TCERG1L: variants seen among roughly 807,000 people sequenced by gnomAD.
TCERG1L encodes transcription elongation regulator 1 like.
TCERG1L carries 37 observed loss-of-function variants against 56.3 expected under a neutral mutation model. The ratio of observed to expected loss-of-function variants is 0.66; its 90% CI spans 0.51 to 0.87. The LOEUF (loss-of-function observed/expected upper bound fraction) is 0.87, where lower values mean the gene tolerates loss of function less well. TCERG1L is among the 40% of genes least tolerant of loss of function. TCERG1L has a pLI of 0.00. For synonymous variants in TCERG1L, 324 were observed against 326.3 expected, an observed-to-expected ratio of 0.99 and a Z score of 0.08; for missense variants, 799 against 774.2, an observed-to-expected ratio of 1.03 and a Z score of -0.38.
intron 6 of TCERG1L, among the ~76,000 whole-genome samples, chr10:131,150,640 G>C (rs922765583): frequency 9.2e-5 from 14 of 152,176 alleles, no homozygotes; most frequent in African/African-American, 3.4e-4. Context: ...CCATTTCCTG[G>C]CAGGGACCAG....
intron 6 of TCERG1L, among the ~76,000 whole-genome samples, chr10:131,151,029 G>A (rs1029770451): frequency 7.2e-5 from 11 of 152,134 alleles, no homozygotes; most frequent in Non-Finnish European, 1.0e-4. Flanking sequence ...AACCACTTCC[G>A]TGATTCAATT....
In TCERG1L at chr10:131,270,623, A is replaced by G. The variant is rs779594106; in HGVS notation, c.671-10179T>C. 9.6e-4 allele frequency among the ~76,000 whole-genome samples: 146 copies of G among 152,356 alleles called. 1 individual carries two copies. Among genetic ancestry groups the G allele is most frequent in the Non-Finnish European group, 2.2e-4 (15 of 68,032 alleles). On this transcript the variant is annotated intron_variant, in intron 3 of 11. Coordinates refer to ENST00000368642, the MANE Select transcript of TCERG1L (RefSeq NM_174937.4). ...ACATGTGCTTGATGCCCAGCCCCGC[A>G]TGGCTGCTGCCGTTGCTGGCGTTTG... is the stretch of plus-strand genomic sequence containing the variant.
In TCERG1L at chr10:131,311,594, C is replaced by T; in HGVS notation, c.42G>A (p.Leu14=). Residue 14 remains leucine (L), a synonymous_variant, in exon 1 of 12, where the codon CTG becomes CTA. Transcript: ENST00000368642. The surrounding 1 kb of genome is among the most constrained non-coding windows in gnomAD (Gnocchi z 4.0). ...GCCGCCGCCGGGGCTGCTGCTGCTG[C>T]AGCTGCCGCCGCCGCCGCTGGAACC... ...GARFQRRRRQ[L]QQQQPRRRQP... 1 of 1,150,340 alleles carries T rather than the reference C, an allele frequency of 8.7e-7. No individual in the cohort carries two copies. The highest frequency in any genetic ancestry group is 1.1e-6 in the Non-Finnish European group (1 of 936,492). 71.3% of individuals were successfully genotyped at this position (1,150,340 alleles called of 1,614,324 possible). A position where few individuals can be genotyped will look rare whatever the true frequency, so the allele number is the denominator to read the frequency against.
chr10:131,093,109 G>GC lies in TCERG1L; in HGVS notation c.*52dup. The GC allele has an allele frequency of 1.9e-6, 3 of 1,577,104 alleles. No individual in the cohort carries two copies. The highest frequency in any genetic ancestry group is 1.4e-5 in the African/African-American group (1 of 73,506). ...TGTCCGTCTCCACCGTGACCCCCTC[G>GC]CCCCCGGCACGCCCAGGGTCAACCC... On this transcript the variant is annotated 3_prime_UTR_variant, in exon 12 of 12. Transcript: ENST00000368642.
intron 4 of TCERG1L, among the ~76,000 whole-genome samples, chr10:131,175,595 T>G (rs994823409): frequency 6.6e-6 from 1 of 152,246 alleles, no homozygotes; most frequent in Non-Finnish European, 1.5e-5. Context: ...ATGAATGAGC[T>G]GATGGTGAGT....
At chr10:131,248,010 T>C (rs915398758) in intron 4 of TCERG1L, among the ~76,000 whole-genome samples, 7 of 136,364 alleles carry the variant, frequency 5.1e-5, no homozygotes, top group Admixed American at 1.5e-4. Context: ...CACACACACA[T>C]GCATACACTC....
intron 3 of TCERG1L, among the ~76,000 whole-genome samples, chr10:131,264,277 G>A (rs994897712): frequency 6.6e-6 from 1 of 152,210 alleles, no homozygotes; most frequent in Admixed American, 6.5e-5. Context: ...CCACTTAGCA[G>A]CCCTGCCAGA....
intron 3 of TCERG1L, among the ~76,000 whole-genome samples, chr10:131,289,429 C>T (rs1356790536): frequency 1.3e-5 from 2 of 152,250 alleles, no homozygotes; most frequent in Non-Finnish European, 2.9e-5. Context: ...GAAAGGCACA[C>T]CTATGATATT....
intron 4 of TCERG1L, among the ~76,000 whole-genome samples, chr10:131,176,352 A>G (rs1846149383): frequency 6.6e-6 from 1 of 151,164 alleles, no homozygotes; most frequent in South Asian, 2.1e-4. Flanking sequence ...AGATAGGCAC[A>G]TACAAAGAGG....
chr10:131,237,794 G>A (rs1216688221), intron 4 of TCERG1L, among the ~76,000 whole-genome samples: 1 of 152,138 alleles, frequency 6.6e-6, no homozygotes, highest in Admixed American at 6.5e-5. Flanking sequence ...ATATTTCCCT[G>A]TAGGCAGCGA....
intron 4 of TCERG1L, among the ~76,000 whole-genome samples, chr10:131,183,399 C>T (rs1336566869): frequency 6.6e-6 from 1 of 152,134 alleles, no homozygotes; most frequent in African/African-American, 2.4e-5. Flanking sequence ...TGAGATTTAC[C>T]TTTTCCCATT....
intron 4 of TCERG1L, among the ~76,000 whole-genome samples, chr10:131,248,875 G>A (rs1254700885): frequency 6.6e-6 from 1 of 152,204 alleles, no homozygotes; most frequent in African/African-American, 2.4e-5. Context: ...TTGTCTCAGA[G>A]TCGGCTTCTG....
intron 11 of TCERG1L, among the ~76,000 whole-genome samples, chr10:131,097,987 G>T (rs11817887): frequency 0.021 from 3,250 of 152,282 alleles, 119 homozygotes; most frequent in African/African-American, 0.072. Flanking sequence ...GAGTGCTCAC[G>T]TATTGATTGG....
rs952337471 is a variant in TCERG1L, at chr10:131,308,081, G to C, written c.670+130C>G. The C allele has an allele frequency of 3.8e-6, 4 of 1,064,626 alleles. No homozygotes were observed. In the African/African-American group the frequency reaches 6.4e-5, roughly 17 times the overall value. 65.9% of individuals were successfully genotyped at this position (1,064,626 alleles called of 1,614,324 possible). A position where few individuals can be genotyped will look rare whatever the true frequency, so the allele number is the denominator to read the frequency against. On this transcript the variant is annotated intron_variant, in intron 3 of 11. Transcript: ENST00000368642. ...TTTTTTTTAAAAAAGCTTCATGCTT[G>C]TGAAAAGGAATTATATTTTACCAAG...
In TCERG1L at chr10:131,124,453, T is replaced by C. The variant is rs188902556; in HGVS notation, c.1260-7519A>G. 5.8e-3 allele frequency among the ~76,000 whole-genome samples: 891 copies of C among 152,346 alleles called. 6 individuals carry two copies. The highest frequency in any genetic ancestry group is 9.5e-3 in the Non-Finnish European group (646 of 68,020). On this transcript the variant is annotated intron_variant, in intron 8 of 11. Transcript: ENST00000368642. ...TGGAATTTGTCCAGCATGGAATTATTGCCACATTTCTGTGAGTCTTCTGAA... is the reference window on the plus strand; with the variant it reads ...TGGAATTTGTCCAGCATGGAATTATCGCCACATTTCTGTGAGTCTTCTGAA...
intron 11 of TCERG1L, 121 bp from the exon 12 acceptor site, chr10:131,093,439 G>A (rs1845203285): frequency 1.6e-6 from 2 of 1,225,268 alleles, no homozygotes; most frequent in Non-Finnish European, 2.3e-6. Flanking sequence ...GCCGTGGGTG[G>A]CAGGGCACCC....
intron 4 of TCERG1L, among the ~76,000 whole-genome samples, chr10:131,228,271 C>A (rs1487559686): frequency 8.1e-4 from 61 of 74,990 alleles, no homozygotes; most frequent in African/African-American, 3.0e-3. Context: ...TCAAGGCCTC[C>A]GGAGTCTCCC....
At chr10:131,266,950 G>C (rs1159486712) in intron 3 of TCERG1L, among the ~76,000 whole-genome samples, 1 of 152,032 alleles carries the variant, frequency 6.6e-6, no homozygotes, top group Non-Finnish European at 1.5e-5. Flanking sequence ...ATTGGTCCAT[G>C]GGTGGCCATG....
chr10:131,130,915 C>G (rs1024491034), intron 8 of TCERG1L, among the ~76,000 whole-genome samples: 2 of 152,034 alleles, frequency 1.3e-5, no homozygotes, highest in Non-Finnish European at 2.9e-5. Flanking sequence ...ATCAACCCCC[C>G]GGCAAACCCT....
Sources: allele counts gnomAD v4.1 joint callset (sites outside exome capture counted in the v4.1 genomes callset), GRCh38; gene constraint gnomAD v4.1.1; non-coding constraint Gnocchi (gnomAD v3.1); transcripts MANE v1.5; gene names NCBI Gene and HGNC (gene_info 2026-07-23, HGNC 2026-07-21).